ATP10B: variants seen among roughly 807,000 people sequenced by gnomAD.
The protein encoded by ATP10B is phospholipid-transporting ATPase VB.
A neutral mutation model predicts 141.2 loss-of-function variants in ATP10B; 122 were observed. The observed-to-expected ratio is 0.86, with a 90% CI of 0.75 to 1.00. ATP10B has a LOEUF of 1.00. Ranked by LOEUF, ATP10B falls within the 50% of genes least tolerant of loss-of-function variation. ATP10B has a pLI of 0.00. For synonymous variants in ATP10B, 685 were observed against 692.0 expected, an observed-to-expected ratio of 0.99 and a Z score of 0.16; for missense variants, 1,876 against 1,825.3, an observed-to-expected ratio of 1.03 and a Z score of -0.51.
In ATP10B at chr5:160,612,962, G is replaced by A. The variant is rs376260960; in HGVS notation, c.2654-37C>T. The A allele has an allele frequency of 3.9e-5, 62 of 1,574,648 alleles. 1 individual carries two copies. Among genetic ancestry groups the A allele is most frequent in the South Asian group, 2.9e-4 (25 of 85,880 alleles). On this transcript the variant is annotated intron_variant, in intron 17 of 25. Transcript: ENST00000327245. Reference sequence around the variant, plus strand: ...AAAAACAACAGAGTTCACATTTATCGTAAAAGAGTAGTTGCTTAATTCCCC... The same window carrying A: ...AAAAACAACAGAGTTCACATTTATCATAAAAGAGTAGTTGCTTAATTCCCC...
chr5:160,662,662 C>G (rs1276578798), intron 7 of ATP10B, among the ~76,000 whole-genome samples: 1 of 152,274 alleles, frequency 6.6e-6, no homozygotes, highest in African/African-American at 2.4e-5. Flanking sequence ...GGATTAAAGA[C>G]TTAAATGTTA....
Position 160,785,762 on chromosome 5 carries a change from C to G in ATP10B, c.-534G>C, listed in dbSNP as rs760302176. ...CTTCACACTGTTGCTTTCATTGAAA[C>G]AAATGTCACCAGTCGGTTCTGATTC... On this transcript the variant is annotated 5_prime_UTR_variant, in exon 2 of 26. Transcript: ENST00000327245. 118 of 1,048,890 alleles carry G rather than the reference C, an allele frequency of 1.1e-4. 1 individual carries two copies. The highest frequency in any genetic ancestry group is 2.3e-4 in the Admixed American group (8 of 34,406). The allele number at this position is 1,048,890 out of a possible 1,614,324, so 65.0% of individuals were successfully genotyped here.
chr5:160,796,450 T>G (rs1771954069), intron 1 of ATP10B, among the ~76,000 whole-genome samples: 1 of 152,224 alleles, frequency 6.6e-6, no homozygotes, highest in South Asian at 2.1e-4. Context: ...GCAGCCACTG[T>G]GCTAAGCACT....
At chr5:160,888,595 A>C in the ATP10B span, among the ~76,000 whole-genome samples, 596 of 152,320 alleles carry the variant, frequency 3.9e-3, 4 homozygotes, top group African/African-American at 0.013. Context: ...TGGAATCAAG[A>C]AGCAGAGGGG....
chr5:160,830,058 G>C lies in ATP10B; in HGVS notation c.-576+21883C>G, dbSNP rs182624190. ...CTAAAGGGGAATGTTTCCAGGTTTT[G>C]CCTGTTCAGTATGATGTTGGCTGTG... On this transcript the variant is annotated intron_variant, in intron 1 of 25. Coordinates refer to ENST00000327245, the MANE Select transcript of ATP10B (RefSeq NM_025153.3). Among the ~76,000 whole-genome samples, 243 of 152,172 alleles carry C rather than the reference G, an allele frequency of 1.6e-3. 1 individual carries two copies. The South Asian group carries it at 0.023, about 15-fold the overall frequency.
intron 2 of ATP10B, among the ~76,000 whole-genome samples, chr5:160,765,604 A>C (rs1315291261): frequency 6.6e-6 from 1 of 152,206 alleles, no homozygotes; most frequent in Non-Finnish European, 1.5e-5. Flanking sequence ...TGAAACCATA[A>C]AAATTCTAGA....
chr5:160,635,319 A>G (rs1759279890), intron 11 of ATP10B, among the ~76,000 whole-genome samples: 1 of 151,976 alleles, frequency 6.6e-6, no homozygotes, highest in Admixed American at 6.6e-5. Context: ...GGGGAGTAAT[A>G]GGGAGCAGGC....
At chr5:160,905,990 C>A in the ATP10B span, among the ~76,000 whole-genome samples, 1 of 152,112 alleles carries the variant, frequency 6.6e-6, no homozygotes, top group Non-Finnish European at 1.5e-5. Context: ...CAGAGACCTG[C>A]CAATGCCCTT....
chr5:160,823,025 T>TAC (rs1447048073), intron 1 of ATP10B, among the ~76,000 whole-genome samples: 4 of 122,524 alleles, frequency 3.3e-5, no homozygotes, highest in Admixed American at 2.5e-4. Flanking sequence ...TATATATATA[T>TAC]ATATATATAT....
chr5:160,662,328 G>A (rs868756127), intron 7 of ATP10B, among the ~76,000 whole-genome samples: 111 of 152,252 alleles, frequency 7.3e-4, no homozygotes, highest in African/African-American at 2.4e-3. Flanking sequence ...AAAAGAGCCC[G>A]CATTGCCAAG....
At chr5:160,673,944 T>C (rs748932099) in intron 6 of ATP10B, among the ~76,000 whole-genome samples, 15 of 152,208 alleles carry the variant, frequency 9.9e-5, no homozygotes, top group Non-Finnish European at 1.5e-5. Flanking sequence ...AAAGTGTTCT[T>C]AAATATTATA....
chr5:160,862,947 G>A, the ATP10B span, among the ~76,000 whole-genome samples: 1 of 151,884 alleles, frequency 6.6e-6, no homozygotes, highest in African/African-American at 2.4e-5. Context: ...TCTAAGATAT[G>A]AATAATAGTG....
At chr5:160,762,498 A>G (rs891554595) in intron 2 of ATP10B, among the ~76,000 whole-genome samples, 7 of 152,212 alleles carry the variant, frequency 4.6e-5, no homozygotes, top group Middle Eastern at 3.2e-3. Context: ...CCTTTTTAAA[A>G]TAAACAAATG....
intron 25 of ATP10B, among the ~76,000 whole-genome samples, chr5:160,568,859 A>T (rs1754708847): frequency 6.6e-6 from 1 of 152,234 alleles, no homozygotes; most frequent in South Asian, 2.1e-4. Context: ...CATTTACTGC[A>T]GAGGGTTTAA....
intron 6 of ATP10B, among the ~76,000 whole-genome samples, chr5:160,685,821 T>C (rs1028682531): frequency 6.6e-6 from 1 of 152,146 alleles, no homozygotes; most frequent in Non-Finnish European, 1.5e-5. Context: ...GTGTCCTGTG[T>C]ATCGTAGGCT....
chr5:160,598,674 C>T, intron 22 of ATP10B, 96 bp downstream of exon 22: 3 of 1,128,352 alleles, frequency 2.7e-6, no homozygotes, highest in South Asian at 2.9e-5. Flanking sequence ...AGGCTTCTGA[C>T]CCCAGCATAC....
intron 2 of ATP10B, among the ~76,000 whole-genome samples, chr5:160,724,365 A>T (rs1030858336): frequency 5.4e-5 from 8 of 149,454 alleles, no homozygotes; most frequent in African/African-American, 1.7e-4. Context: ...TCAAGTGATC[A>T]TCCCACCTCA....
intron 1 of ATP10B, among the ~76,000 whole-genome samples, chr5:160,850,869 T>A (rs4473806): frequency 0.24 from 36,256 of 152,078 alleles, 5,176 homozygotes; most frequent in African/African-American, 0.39. Context: ...AAGAATTTTT[T>A]AAAAAGTCAT....
chr5:160,771,977 G>C (rs1019204934), intron 2 of ATP10B, among the ~76,000 whole-genome samples: 1 of 152,260 alleles, frequency 6.6e-6, no homozygotes, highest in African/African-American at 2.4e-5. Context: ...GACTAATCGG[G>C]GAAGCCCCTC....
Sources: gnomAD v4.1 joint callset for allele counts (sites outside exome capture counted in the v4.1 genomes callset) on GRCh38, gnomAD v4.1.1 for gene constraint, MANE v1.5 for transcripts, NCBI Gene and HGNC (gene_info 2026-07-23, HGNC 2026-07-21) for gene names.